The following MBTPS2 variants were observed in gnomAD, a reference collection of about 807,000 sequenced individuals.
MBTPS2 encodes membrane-bound transcription factor site-2 protease.
In MBTPS2, 2 loss-of-function variants were observed where a neutral mutation model predicts 35.4. The observed-to-expected ratio is 0.06, with a 90% CI of 0.02 to 0.18. The LOEUF is 0.18. Among genes scored for constraint, MBTPS2 ranks in the 10% least tolerant of loss-of-function variants. The pLI is 1.00. For missense variants in MBTPS2, 244 were observed against 386.5 expected, an observed-to-expected ratio of 0.63 and a Z score of 3.09; for synonymous variants, 125 against 140.4, an observed-to-expected ratio of 0.89 and a Z score of 0.77.
chrX:21,869,865 A>G, intron 7 of MBTPS2, 187 bp downstream of exon 7: 1 of 420,283 alleles, frequency 2.4e-6, no homozygotes, highest in South Asian at 4.0e-5. Flanking sequence ...TTCCTTTATT[A>G]TATATTGTTG....
intron 7 of MBTPS2, among the ~76,000 whole-genome samples, chrX:21,877,631 A>G (rs1289347548): frequency 2.7e-5 from 3 of 111,315 alleles, no homozygotes; most frequent in Non-Finnish European, 5.7e-5. Flanking sequence ...GTCTTAGGCA[A>G]CCTCTGGCCC....
At chrX:21,850,949 G>A (rs1196913108) in intron 3 of MBTPS2, among the ~76,000 whole-genome samples, 3 of 111,514 alleles carry the variant, frequency 2.7e-5, no homozygotes, top group South Asian at 3.8e-4. Context: ...CACACTGATC[G>A]GGATCCCTAT....
Position 21,839,639 on chromosome X carries a change from G to T in MBTPS2, c.-96G>T. ...GCCGGCGGTAGCTTGGTTCCTGAGC[G>T]GATGCTGGGGCTGTAAGGCGCGCGC... On this transcript the variant is annotated 5_prime_UTR_variant, in exon 1 of 11. Transcript: ENST00000379484. 1 of 906,722 alleles carries T rather than the reference G, an allele frequency of 1.1e-6. No individual in the cohort carries two copies. Among genetic ancestry groups the T allele is most frequent in the Non-Finnish European group, 1.6e-6 (1 of 636,343 alleles). 74.7% of individuals were successfully genotyped at this position (906,722 alleles called of 1,213,427 possible).
chrX:21,861,510 T>G (rs5951645), intron 5 of MBTPS2, among the ~76,000 whole-genome samples: 52,024 of 109,411 alleles, frequency 0.48, 9,514 homozygotes, highest in African/African-American at 0.63. Context: ...AGATTGATAT[T>G]TATGAACAGA....
intron 7 of MBTPS2, chrX:21,869,922 A>T (rs1442803666): frequency 9.0e-6 from 3 of 333,834 alleles, no homozygotes; most frequent in Non-Finnish European, 1.6e-5. Flanking sequence ...TTAGGACTCT[A>T]ATATTTTCTG....
chrX:21,844,752 C>A (rs1185789593), intron 2 of MBTPS2, among the ~76,000 whole-genome samples: 1 of 111,669 alleles, frequency 9.0e-6, no homozygotes, highest in Non-Finnish European at 1.9e-5. Flanking sequence ...TTAAATTATA[C>A]CATGTTAATA....
intron 8 of MBTPS2, 59 bp downstream of exon 8, chrX:21,878,195 T>C: frequency 1.2e-6 from 1 of 815,710 alleles, no homozygotes; most frequent in Non-Finnish European, 1.9e-6. Flanking sequence ...AATAAGCATA[T>C]AGAGCTAAAA....
Position 21,851,543 on chromosome X carries a change from C to A in MBTPS2, c.473C>A (p.Thr158Asn), listed in dbSNP as rs748244743. 2.5e-6 allele frequency: 3 copies of A among 1,205,571 alleles called. No individual in the cohort carries two copies. The highest frequency in any genetic ancestry group is 3.4e-6 in the Non-Finnish European group (3 of 891,752). ...ATAAATTTACCCGTCAATCAACTGA[C>A]CTATTTCTTCACGGCAGTTCTCATT... ...PGINLPVNQLTYFFTAVLISG... is the reference protein window; with the variant it reads ...PGINLPVNQLNYFFTAVLISG... Residue 158 changes from threonine to asparagine, a missense_variant, in exon 4 of 11, where the codon ACC becomes AAC. Physicochemically the swap from Thr to Asn is moderately conservative, Grantham distance 65. Transcript: ENST00000379484.
intron 7 of MBTPS2, among the ~76,000 whole-genome samples, chrX:21,876,276 C>G (rs973135006): frequency 8.9e-6 from 1 of 111,795 alleles, no homozygotes; most frequent in Non-Finnish European, 1.9e-5. Flanking sequence ...GATAAGAAGA[C>G]AGAACAGGCC....
chrX:21,857,219 G>A (rs778599338), intron 5 of MBTPS2: 7 of 1,211,762 alleles, frequency 5.8e-6, no homozygotes, highest in Non-Finnish European at 7.8e-6. Context: ...AGCCCAAAAG[G>A]TCCAAAGGAG....
chrX:21,856,796 G>C (rs375625645), intron 5 of MBTPS2: 1 of 1,211,888 alleles, frequency 8.3e-7, no homozygotes, highest in East Asian at 3.0e-5. Flanking sequence ...TGGAGGACCA[G>C]TTGGCCCTCC....
chrX:21,846,988 CAAGT>C (rs995221151), intron 3 of MBTPS2, among the ~76,000 whole-genome samples: 3 of 111,077 alleles, frequency 2.7e-5, no homozygotes, highest in African/African-American at 9.8e-5. Flanking sequence ...GGGATGGATT[CAAGT>C]AAGCTTTTGG....
At chrX:21,876,052 T>C (rs1328986866) in intron 7 of MBTPS2, among the ~76,000 whole-genome samples, 2 of 111,939 alleles carry the variant, frequency 1.8e-5, no homozygotes, top group Non-Finnish European at 3.8e-5. Flanking sequence ...TAAAAATCCA[T>C]GGGACTTGGC....
At chrX:21,854,082 C>CA (rs745548441) in intron 5 of MBTPS2, among the ~76,000 whole-genome samples, 30 of 110,406 alleles carry the variant, frequency 2.7e-4, no homozygotes, top group Non-Finnish European at 4.9e-4. Context: ...ACAACAACAA[C>CA]AAAAAAAACC....
intron 5 of MBTPS2, chrX:21,858,329 C>T (rs905984901): frequency 1.6e-5 from 2 of 123,129 alleles, no homozygotes; most frequent in African/African-American, 6.5e-5. Context: ...TTTGCCTGTT[C>T]AGTTAAAGTA....
chrX:21,860,105 A>AG (rs1288873431), intron 5 of MBTPS2, among the ~76,000 whole-genome samples: 13 of 104,052 alleles, frequency 1.2e-4, no homozygotes, highest in South Asian at 9.1e-4. Context: ...AAAAAAAAAA[A>AG]AAAGAGAAAA....
At position 21,884,872 on chromosome X, in the gene MBTPS2, A is replaced by G; in HGVS notation, c.*2217A>G. ...ATTTACTGTAAATATATGTTCACAT[A>G]AAAAAATAACTTGGAGGGTCTTTGT... On this transcript the variant is annotated 3_prime_UTR_variant, in exon 11 of 11. Transcript: ENST00000379484. 5 of 734,262 alleles carry G rather than the reference A, an allele frequency of 6.8e-6. No individual in the cohort carries two copies. Among genetic ancestry groups the G allele is most frequent in the Non-Finnish European group, 8.1e-6 (5 of 620,813 alleles). The allele number at this position is 734,262 out of a possible 1,213,427, so 60.5% of individuals were successfully genotyped here. A position where few individuals can be genotyped will look rare whatever the true frequency, so the allele number is the denominator to read the frequency against.
intron 3 of MBTPS2, among the ~76,000 whole-genome samples, chrX:21,848,666 C>T (rs973794107): frequency 2.7e-5 from 3 of 110,492 alleles, no homozygotes; most frequent in Non-Finnish European, 5.7e-5. Context: ...GGCGACACAG[C>T]GAGACTCGTC....
chrX:21,863,341 T>G (rs1205408555), intron 5 of MBTPS2, among the ~76,000 whole-genome samples: 2 of 109,124 alleles, frequency 1.8e-5, no homozygotes, highest in African/African-American at 6.6e-5. Flanking sequence ...TTAGAAAACT[T>G]GCTGCTTTGT....
Sources: allele counts gnomAD v4.1 joint callset (sites outside exome capture counted in the v4.1 genomes callset), GRCh38; gene constraint gnomAD v4.1.1; transcripts MANE v1.5; gene names NCBI Gene and HGNC (gene_info 2026-07-23, HGNC 2026-07-21).